MEA1: variants seen among roughly 807,000 people sequenced by gnomAD.
MEA1 encodes Male-enhanced antigen (H-Y structural gene).
MEA1 carries 22 observed loss-of-function variants against 21.4 expected under a neutral mutation model. That is an observed-to-expected ratio of 1.03 (90% CI 0.73 to 1.47). The LOEUF is 1.47. Ranked by LOEUF, MEA1 falls within the 40% of genes most tolerant of loss-of-function variation. The pLI, the probability that MEA1 is intolerant of heterozygous loss-of-function variation, is 0.00. For synonymous variants in MEA1, 91 were observed against 85.5 expected, an observed-to-expected ratio of 1.06 and a Z score of -0.35; for missense variants, 233 against 230.5, an observed-to-expected ratio of 1.01 and a Z score of -0.07.
chr6:43,014,959 C>A (rs1762525023), upstream of MEA1, among the ~76,000 whole-genome samples: 1 of 152,108 alleles, frequency 6.6e-6, no homozygotes, highest in South Asian at 2.1e-4. Flanking sequence ...TAAGAGGAGC[C>A]CCTGAGCGCC....
chr6:43,013,207 G>C lies in MEA1; in HGVS notation c.211C>G (p.Gln71Glu). Residue 71 changes from glutamine to glutamate, a missense_variant, in exon 2 of 4, where the codon CAG (glutamine) becomes GAG (glutamate). Gln to Glu is a conservative substitution (Grantham distance 29, BLOSUM62 2). Transcript: ENST00000244711. The stretch of plus-strand genomic sequence containing the variant: ...TGTTCAGGATCTTGGTTCAGGGGCT[G>C]GTAGGAGTAGCCAGCTGGGCCCGAC... ...TGSGPAGYSY[Q>E]PLNQDPEQEE... 1 of 1,614,144 alleles carries C rather than the reference G, an allele frequency of 6.2e-7. No individual in the cohort carries two copies. The highest frequency in any genetic ancestry group is 8.5e-7 in the Non-Finnish European group (1 of 1,180,020).
At chr6:43,016,054 G>A (rs192378284), upstream of MEA1, among the ~76,000 whole-genome samples, 3 of 151,856 alleles carry the variant, frequency 2.0e-5, no homozygotes, top group Non-Finnish European at 4.4e-5. Context: ...TCCTGCCTCA[G>A]CCTCCTGAGT....
rs1023974489 is a variant in MEA1 at position 43,012,172 on chromosome 6, G to A, written c.*298C>T. The A allele has an allele frequency of 1.8e-6, 2 of 1,101,938 alleles. No homozygotes were observed. Among genetic ancestry groups the A allele is most frequent in the Non-Finnish European group, 2.2e-6 (2 of 904,304 alleles). 68.3% of individuals were successfully genotyped at this position (1,101,938 alleles called of 1,614,324 possible). A position where few individuals can be genotyped will look rare whatever the true frequency, so the allele number is the denominator to read the frequency against. ...CTTGTCCCTTATAGGTACCTTGGAG[G>A]GGCCAGGGGCTGAGGAAGGCCGGAC... On this transcript the variant is annotated 3_prime_UTR_variant, in exon 4 of 4. Coordinates refer to ENST00000244711, the MANE Select transcript of MEA1 (RefSeq NM_014623.4).
chr6:43,013,804 C>T lies in MEA1; in HGVS notation c.10G>A (p.Glu4Lys), dbSNP rs761068548. Reference protein sequence around the residue: MGPERHLSGAPARM... With the variant: MGPKRHLSGAPARM... Reference sequence around the variant, plus strand: ...TCTGTACCGCCTGACAGATGCCTTTCAGGCCCCATGGGCTCCCCTCAAATG... The same window carrying T: ...TCTGTACCGCCTGACAGATGCCTTTTAGGCCCCATGGGCTCCCCTCAAATG... Residue 4 changes from glutamate (E) to lysine (K), a missense_variant, in exon 1 of 4, where the codon GAA becomes AAA. Transcript: ENST00000244711. 7.6e-5 allele frequency: 122 copies of T among 1,608,366 alleles called. 4 individuals carry two copies. In the South Asian group the frequency reaches 1.2e-3, roughly 16 times the overall value.
In MEA1 at chr6:43,012,478, A is replaced by C. The variant is rs1762400729; in HGVS notation, c.550T>G (p.Trp184Gly). 6.3e-7 allele frequency: 1 copy of C among 1,599,848 alleles called. No homozygotes were observed. Among genetic ancestry groups the C allele is most frequent in the African/African-American group, 1.4e-5 (1 of 73,792 alleles). Residue 184 changes from tryptophan (W) to glycine (G), a missense_variant, in exon 4 of 4, where the codon TGG (tryptophan) becomes GGG (glycine). Physicochemically the swap from Trp to Gly is radical, Grantham distance 184 (BLOSUM62 -2). Transcript: ENST00000244711. Reference protein sequence around the residue: ...ALQARQASPAWK With the variant: ...ALQARQASPAGK ...GGCAGCTCTCACTGTGGTCACTTCC[A>C]GGCAGGGGATGCCTGCCGGGCTTGG...
chr6:43,012,240 C>T lies in MEA1; in HGVS notation c.*230G>A. On this transcript the variant is annotated 3_prime_UTR_variant, in exon 4 of 4. Coordinates refer to ENST00000244711, the MANE Select transcript of MEA1 (RefSeq NM_014623.4). ...AGGCAGTGCGGCTTTTGGCTGTGTA[C>T]ATAGGGTGCTTTATTCTCCACAGAG... 1 of 1,263,474 alleles carries T rather than the reference C, an allele frequency of 7.9e-7. No individual in the cohort carries two copies. The highest frequency in any genetic ancestry group is 1.0e-6 in the Non-Finnish European group (1 of 1,002,902). The allele number at this position is 1,263,474 out of a possible 1,614,324, so 78.3% of individuals were successfully genotyped here. A position where few individuals can be genotyped will look rare whatever the true frequency, so the allele number is the denominator to read the frequency against.
chr6:43,016,005 G>A (rs531720071), upstream of MEA1, among the ~76,000 whole-genome samples: 3 of 150,756 alleles, frequency 2.0e-5, no homozygotes, highest in African/African-American at 7.3e-5. Context: ...GTGTGATCTC[G>A]GCTCACTCCA....
rs1561855912 is a variant in MEA1, at chr6:43,013,173, AC to A, written c.244del (p.Val82TrpfsTer11). 1 of 1,613,764 alleles carries A rather than the reference AC, an allele frequency of 6.2e-7. No individual in the cohort carries two copies. The highest frequency in any genetic ancestry group is 1.7e-5 in the Admixed American group (1 of 59,970). On this transcript the variant is annotated frameshift_variant, in exon 2 of 4. Coordinates refer to ENST00000244711, the MANE Select transcript of MEA1 (RefSeq NM_014623.4). LOFTEE classifies it high-confidence loss of function. Reference protein sequence around the residue: ...PLNQDPEQEEVELAPVGDGDV... With the variant: ...PLNQDPEQEEXELAPVGDGDV... ...TCCATCCCCCACTGGTGCCAGTTCC[AC>A]CTCCTCTTGTTCAGGATCTTGGTTC...
chr6:43,016,349 G>T (rs1762573211), upstream of MEA1: 2 of 152,230 alleles, frequency 1.3e-5, no homozygotes, highest in Admixed American at 6.5e-5. Context: ...ACAGTAGCAG[G>T]GATGGGGAAG....
chr6:43,013,330 A>G lies in MEA1; in HGVS notation c.88T>C (p.Phe30Leu). 6.2e-7 allele frequency: 1 copy of G among 1,614,114 alleles called. No homozygotes were observed. The highest frequency in any genetic ancestry group is 1.1e-5 in the South Asian group (1 of 91,084). The change falls in exon 2 of 4, where the codon TTC becomes CTC. Residue 30 changes from phenylalanine to leucine, a missense_variant. By Grantham distance (22) the Phe-to-Leu change is conservative (BLOSUM62 0). Coordinates refer to ENST00000244711, the MANE Select transcript of MEA1 (RefSeq NM_014623.4). Reference sequence around the variant, plus strand: ...CCCAGTTCCTCAGTCTGATTGGGGAAGATACGCTCAGGGCCCATGGTGTCT... The same window carrying G: ...CCCAGTTCCTCAGTCTGATTGGGGAGGATACGCTCAGGGCCCATGGTGTCT... Reference protein sequence around the residue: ...GGDTMGPERIFPNQTEELGHQ... With the variant: ...GGDTMGPERILPNQTEELGHQ...
intron 1 of MEA1, 172 bp from the exon 2 acceptor site, chr6:43,013,561 G>A: frequency 1.2e-6 from 1 of 851,370 alleles, no homozygotes; most frequent in Non-Finnish European, 1.8e-6. Flanking sequence ...CCCCTCCTAA[G>A]TCGGGGTTCT....
At position 43,011,180 on chromosome 6, in the gene MEA1, T is replaced by C; in HGVS notation, c.*1290A>G. 1 of 1,614,132 alleles carries C rather than the reference T, an allele frequency of 6.2e-7. No homozygotes were observed. Among genetic ancestry groups the C allele is most frequent in the African/African-American group, 1.3e-5 (1 of 75,022 alleles). ...AAAGACATCAAGAAGGAGAAAGTGCTGCTGCGGAGGAAGTCGGAGCTGCCC... is the reference window on the plus strand; with the variant it reads ...AAAGACATCAAGAAGGAGAAAGTGCCGCTGCGGAGGAAGTCGGAGCTGCCC... On this transcript the variant is annotated 3_prime_UTR_variant, in exon 4 of 4. Coordinates refer to ENST00000244711, the MANE Select transcript of MEA1 (RefSeq NM_014623.4).
intron 1 of MEA1, 120 bp downstream of exon 1, chr6:43,013,654 CACCCCTTCCAGA>C (rs1336137233): frequency 9.8e-7 from 1 of 1,016,442 alleles, no homozygotes; most frequent in African/African-American, 1.6e-5. Flanking sequence ...TCCTAAAAGA[CACCCCTTCCAGA>C]ACCCCGGCTC....
upstream of MEA1, among the ~76,000 whole-genome samples, chr6:43,015,313 C>G (rs1257038413): frequency 6.6e-6 from 1 of 152,116 alleles, no homozygotes; most frequent in Non-Finnish European, 1.5e-5. Flanking sequence ...GTGGGACTAG[C>G]AAGCCAGCTG....
chr6:43,016,839 G>A (rs1762590077), upstream of MEA1: 1 of 278,050 alleles, frequency 3.6e-6, no homozygotes, highest in Admixed American at 4.8e-5. Flanking sequence ...CAGGGACAGA[G>A]TGGAGCCTCC....
intron 1 of MEA1, 151 bp downstream of exon 1, chr6:43,013,635 C>G (rs991544961): frequency 1.1e-6 from 1 of 908,436 alleles, no homozygotes; most frequent in Non-Finnish European, 1.7e-6. Context: ...AACCGGAGGC[C>G]CTGCCACCTC....
rs537911051 is a variant in MEA1, at chr6:43,012,765, A to C, written c.407-144T>G. 5 of 1,215,324 alleles carry C rather than the reference A, an allele frequency of 4.1e-6. No individual in the cohort carries two copies. The Admixed American group carries it at 9.4e-5, about 23-fold the overall frequency. The allele number at this position is 1,215,324 out of a possible 1,614,324, so 75.3% of individuals were successfully genotyped here. Reference sequence around the variant, plus strand: ...TTTAAGGCAAGCCTGCCCATCCCCAAAGCTAGCAAAAGAGCATTTCACTTG... The same window carrying C: ...TTTAAGGCAAGCCTGCCCATCCCCACAGCTAGCAAAAGAGCATTTCACTTG... On this transcript the variant is annotated intron_variant, in intron 3 of 3. Transcript: ENST00000244711.
upstream of MEA1, among the ~76,000 whole-genome samples, chr6:43,015,102 G>A (rs940628691): frequency 1.3e-5 from 2 of 152,134 alleles, no homozygotes; most frequent in Non-Finnish European, 2.9e-5. Context: ...TATCTGAAGG[G>A]AAGAATAGAG....
rs780843141 is a variant in MEA1, at chr6:43,013,381, G to A, written c.37C>T (p.Arg13Trp). Reference sequence around the variant, plus strand: ...CCTCCTAGAACTACTGTTGCCATCCGGGCAGGGGCTGCAAGAACAGGGAGG... The same window carrying A: ...CCTCCTAGAACTACTGTTGCCATCCAGGCAGGGGCTGCAAGAACAGGGAGG... ...PERHLSGAPARMATVVLGGDT... is the reference protein window; with the variant it reads ...PERHLSGAPAWMATVVLGGDT... Residue 13 changes from arginine (R) to tryptophan (W), a missense_variant, in exon 2 of 4, where the codon CGG (arginine) becomes TGG (tryptophan). Physicochemically the swap from Arg to Trp is moderately radical, Grantham distance 101 (BLOSUM62 -3). Coordinates refer to ENST00000244711, the MANE Select transcript of MEA1 (RefSeq NM_014623.4). 9.9e-6 allele frequency: 16 copies of A among 1,612,514 alleles called. No individual in the cohort carries two copies. The highest frequency in any genetic ancestry group is 1.4e-5 in the Non-Finnish European group (16 of 1,179,472).
Sources: gnomAD v4.1 joint callset for allele counts (sites outside exome capture counted in the v4.1 genomes callset) on GRCh38, gnomAD v4.1.1 for gene constraint, MANE v1.5 for transcripts, NCBI Gene and HGNC (gene_info 2026-07-23, HGNC 2026-07-21) for gene names.